Variants in BTBD10 observed in about 807,000 individuals in gnomAD.
BTBD10 encodes BTB/POZ domain-containing protein 10.
A neutral mutation model predicts 53.2 loss-of-function variants in BTBD10; 21 were observed. The ratio of observed to expected loss-of-function variants is 0.39; its 90% confidence interval spans 0.28 to 0.57. BTBD10 has a LOEUF of 0.57. Among genes scored for constraint, BTBD10 ranks in the 20% least tolerant of loss-of-function variants. The pLI, the probability that BTBD10 is intolerant of heterozygous loss-of-function variation, is 0.53. For synonymous variants in BTBD10, 149 were observed against 192.7 expected (o/e 0.77, Z 1.88); for missense variants, 360 against 594.7 (o/e 0.61, Z 4.10).
At chr11:13,403,037 C>T in intron 8 of BTBD10, 131 bp downstream of exon 8, 2 of 584,574 alleles carry the variant, frequency 3.4e-6, no homozygotes, top group Non-Finnish European at 5.9e-6. Flanking sequence ...AGGTCTACTG[C>T]ATAAGCATGT....
At chr11:13,430,240 T>C (rs776850054) in intron 2 of BTBD10, among the ~76,000 whole-genome samples, 3 of 152,076 alleles carry the variant, frequency 2.0e-5, no homozygotes, top group Non-Finnish European at 4.4e-5. Context: ...GGGTAAAAAA[T>C]TTGAGATATG....
chr11:13,421,905 A>G, intron 2 of BTBD10, 67 bp from the exon 3 acceptor site: 1 of 1,306,960 alleles, frequency 7.7e-7, no homozygotes, highest in Non-Finnish European at 1.0e-6. Context: ...TTTAAAAGAA[A>G]CACCCAAGTA....
At chr11:13,436,296 T>C (rs991404025) in intron 2 of BTBD10, among the ~76,000 whole-genome samples, 4 of 152,202 alleles carry the variant, frequency 2.6e-5, no homozygotes, top group African/African-American at 7.2e-5. Flanking sequence ...TTCTTTGTTG[T>C]AAAAAGGCTG....
intron 2 of BTBD10, among the ~76,000 whole-genome samples, chr11:13,422,583 G>A (rs571826489): frequency 1.3e-5 from 2 of 151,942 alleles, no homozygotes; most frequent in African/African-American, 4.8e-5. Flanking sequence ...CGAAGGTTGC[G>A]GTGAGCCGAG....
intron 2 of BTBD10, among the ~76,000 whole-genome samples, chr11:13,432,385 G>A (rs945236650): frequency 9.9e-5 from 15 of 152,016 alleles, no homozygotes; most frequent in Middle Eastern, 3.4e-3. Context: ...TACAAGAAAG[G>A]TCAATAATTT....
intron 1 of BTBD10, among the ~76,000 whole-genome samples, chr11:13,459,214 G>A (rs374763725): frequency 4.0e-5 from 6 of 151,024 alleles, no homozygotes; most frequent in Non-Finnish European, 1.5e-5. Context: ...CCGCCACTAC[G>A]CCCGGCTAAT....
At chr11:13,416,055 TAAAAC>T (rs1316699115) in intron 5 of BTBD10, among the ~76,000 whole-genome samples, 2 of 151,996 alleles carry the variant, frequency 1.3e-5, no homozygotes, top group South Asian at 2.1e-4. Flanking sequence ...AAAAAAGTTT[TAAAAC>T]AAAGACGTCA....
chr11:13,416,511 T>C (rs1950116732), intron 5 of BTBD10, among the ~76,000 whole-genome samples: 1 of 152,180 alleles, frequency 6.6e-6, no homozygotes, highest in South Asian at 2.1e-4. Context: ...CATTCTCAGA[T>C]AGTAAAAATG....
At chr11:13,441,747 TTTAGA>T (rs1200056978) in intron 2 of BTBD10, among the ~76,000 whole-genome samples, 1 of 152,096 alleles carries the variant, frequency 6.6e-6, no homozygotes, top group Non-Finnish European at 1.5e-5. Flanking sequence ...CAAGACAAAA[TTTAGA>T]TTAGCTATAA....
chr11:13,440,366 G>T, intron 2 of BTBD10: 1 of 1,009,892 alleles, frequency 9.9e-7, no homozygotes, highest in Non-Finnish European at 1.2e-6. Flanking sequence ...CAGGAGTTGA[G>T]GGCTTAGAGA....
intron 1 of BTBD10, among the ~76,000 whole-genome samples, chr11:13,461,840 TA>T (rs1951105408): frequency 6.6e-6 from 1 of 152,190 alleles, no homozygotes; most frequent in Non-Finnish European, 1.5e-5. Context: ...TTGTATGTAT[TA>T]ATATAATAGC....
chr11:13,448,935 A>C (rs1239793816), intron 1 of BTBD10, among the ~76,000 whole-genome samples: 2 of 152,220 alleles, frequency 1.3e-5, no homozygotes, highest in South Asian at 2.1e-4. Flanking sequence ...ACTATTCATT[A>C]CTATGTTTAG....
chr11:13,435,323 C>A (rs1011159803), intron 2 of BTBD10, among the ~76,000 whole-genome samples: 1 of 152,068 alleles, frequency 6.6e-6, no homozygotes, highest in East Asian at 1.9e-4. Context: ...GTTCTTGGTA[C>A]TGTTAATGAT....
chr11:13,439,114 G>A (rs1950599151), intron 2 of BTBD10, among the ~76,000 whole-genome samples: 1 of 150,290 alleles, frequency 6.7e-6, no homozygotes, highest in African/African-American at 2.4e-5. Flanking sequence ...AATGTAAAAT[G>A]CTGTATATCC....
chr11:13,463,167 C>G lies in BTBD10; in HGVS notation c.-133G>C, dbSNP rs889587859. 1 of 152,564 alleles carries G rather than the reference C, an allele frequency of 6.6e-6. No homozygotes were observed. The highest frequency in any genetic ancestry group is 1.9e-4 in the East Asian group (1 of 5,188). The allele number at this position is 152,564 out of a possible 1,614,324, so 9.5% of individuals were successfully genotyped here. A position where few individuals can be genotyped will look rare whatever the true frequency, so the allele number is the denominator to read the frequency against. On this transcript the variant is annotated 5_prime_UTR_variant, in exon 1 of 9. Coordinates refer to ENST00000278174, the MANE Select transcript of BTBD10 (RefSeq NM_032320.7). ...CCGGGGCCAGTGACACCTCCACTTC[C>G]TCCTCAGCCAGATCCCTCCGGAGGT...
intron 6 of BTBD10, among the ~76,000 whole-genome samples, chr11:13,411,978 T>A (rs773156262): frequency 6.6e-6 from 1 of 152,002 alleles, no homozygotes; most frequent in African/African-American, 2.4e-5. Context: ...ATTACAGGCA[T>A]GCACCACCAC....
chr11:13,388,754 G>T lies in BTBD10; in HGVS notation c.*77C>A. Reference sequence around the variant, plus strand: ...TGTGCATCTCACAATGAAGAAGAGTGGCCTTGCAGTGCAGAATGAGGAGAG... The same window carrying T: ...TGTGCATCTCACAATGAAGAAGAGTTGCCTTGCAGTGCAGAATGAGGAGAG... On this transcript the variant is annotated 3_prime_UTR_variant, in exon 9 of 9. Coordinates refer to ENST00000278174, the MANE Select transcript of BTBD10 (RefSeq NM_032320.7). 1 of 1,406,142 alleles carries T rather than the reference G, an allele frequency of 7.1e-7. No individual in the cohort carries two copies. Among genetic ancestry groups the T allele is most frequent in the Non-Finnish European group, 9.7e-7 (1 of 1,027,544 alleles). 87.1% of individuals were successfully genotyped at this position (1,406,142 alleles called of 1,614,324 possible).
intron 8 of BTBD10, among the ~76,000 whole-genome samples, chr11:13,398,467 GCA>G (rs1400445616): frequency 2.0e-5 from 3 of 152,162 alleles, no homozygotes; most frequent in Non-Finnish European, 2.9e-5. Flanking sequence ...CCTGAATACA[GCA>G]CACTGATGGG....
At chr11:13,409,347 G>T (rs1358387991) in intron 6 of BTBD10, among the ~76,000 whole-genome samples, 1 of 151,994 alleles carries the variant, frequency 6.6e-6, no homozygotes, top group African/African-American at 2.4e-5. Flanking sequence ...TATTTACTTT[G>T]TTTATCACGT....
Sources: gnomAD v4.1 joint callset for allele counts (sites outside exome capture counted in the v4.1 genomes callset) on GRCh38, gnomAD v4.1.1 for gene constraint, MANE v1.5 for transcripts, NCBI Gene and HGNC (gene_info 2026-07-23, HGNC 2026-07-21) for gene names.